Variants in PRKCA observed in about 807,000 individuals in gnomAD.
PRKCA encodes protein kinase C alpha type.
In PRKCA, 27 loss-of-function variants were observed where a neutral mutation model predicts 87.0. The observed-to-expected ratio is 0.31, with a 90% CI of 0.23 to 0.43. PRKCA has a LOEUF of 0.43. PRKCA is among the 20% of genes least tolerant of loss of function. The probability of loss-of-function intolerance (pLI) is 1.00; values close to 1 mark genes in which losing one functional copy is unlikely to be tolerated. For missense variants in PRKCA, 518 were observed against 852.3 expected (o/e 0.61, Z 4.88); for synonymous variants, 329 against 311.1 (o/e 1.06, Z -0.61).
At chr17:66,678,292 G>A (rs1209983207) in intron 5 of PRKCA, among the ~76,000 whole-genome samples, 2 of 152,202 alleles carry the variant, frequency 1.3e-5, no homozygotes, top group African/African-American at 4.8e-5. Context: ...AAGGAACATG[G>A]CCCTGCAGAG....
At chr17:66,306,282 A>T (rs1331776956) in intron 2 of PRKCA, 155 bp downstream of exon 2, 27 of 659,418 alleles carry the variant, frequency 4.1e-5, no homozygotes, top group Non-Finnish European at 3.5e-5. Context: ...TTAAAAAATA[A>T]TTGGGGCCTA....
chr17:66,597,737 C>T (rs1439198381), intron 3 of PRKCA, among the ~76,000 whole-genome samples: 1 of 39,124 alleles, frequency 2.6e-5, no homozygotes, highest in Non-Finnish European at 4.4e-5. Flanking sequence ...AATCTTTAAT[C>T]CATCTTGAAT....
chr17:66,306,643 T>A, intron 2 of PRKCA, among the ~76,000 whole-genome samples: 1 of 152,182 alleles, frequency 6.6e-6, no homozygotes, highest in East Asian at 1.9e-4. Context: ...ATTTCTATGG[T>A]ATGACTATGT....
At chr17:66,789,349 T>G (rs1975477004) in intron 16 of PRKCA, among the ~76,000 whole-genome samples, 1 of 152,212 alleles carries the variant, frequency 6.6e-6, no homozygotes, top group South Asian at 2.1e-4. Flanking sequence ...GGACTCAGGC[T>G]TCGTGTCTGT....
chr17:66,337,760 G>GT (rs1197261086), intron 2 of PRKCA, among the ~76,000 whole-genome samples: 2 of 152,110 alleles, frequency 1.3e-5, no homozygotes, highest in Non-Finnish European at 2.9e-5. Flanking sequence ...TACCTCAATG[G>GT]TTTTTTAAAG....
At chr17:66,700,540 A>G (rs1270318841) in intron 8 of PRKCA, among the ~76,000 whole-genome samples, 2 of 152,228 alleles carry the variant, frequency 1.3e-5, no homozygotes, top group African/African-American at 4.8e-5. Flanking sequence ...ATATATATAT[A>G]TAGAAGACCT....
intron 2 of PRKCA, among the ~76,000 whole-genome samples, chr17:66,342,159 C>T (rs982514129): frequency 7.2e-5 from 11 of 152,158 alleles, no homozygotes; most frequent in Non-Finnish European, 1.3e-4. Flanking sequence ...CGCGGTGGCT[C>T]ATGCCTGTAA....
chr17:66,442,066 C>T (rs9894564), intron 2 of PRKCA, among the ~76,000 whole-genome samples: 112,948 of 149,056 alleles, frequency 0.76, 42,883 homozygotes, highest in East Asian at 0.87. Context: ...GTCTCTCTCT[C>T]TTTTTTTTTT....
intron 3 of PRKCA, among the ~76,000 whole-genome samples, chr17:66,540,494 A>G (rs927016157): frequency 2.0e-5 from 3 of 152,272 alleles, no homozygotes; most frequent in Non-Finnish European, 1.5e-5. Flanking sequence ...TCTCATAAAT[A>G]GCCCAGAGCA....
rs1904575640 is a variant in PRKCA at position 66,302,800 on chromosome 17, C to T, written c.-52C>T. 2.9e-6 allele frequency: 4 copies of T among 1,359,276 alleles called. No individual in the cohort carries two copies. In the African/African-American group the frequency reaches 6.2e-5, roughly 21 times the overall value. 84.2% of individuals were successfully genotyped at this position (1,359,276 alleles called of 1,614,324 possible). On this transcript the variant is annotated 5_prime_UTR_variant, in exon 1 of 17. Coordinates refer to ENST00000413366, the MANE Select transcript of PRKCA (RefSeq NM_002737.3). ...TCCCCCGCCGCCCCCGCCCACCCGGCCCTCCGCGGCCGCAGCTCCCCGGCG... is the reference window on the plus strand; with the variant it reads ...TCCCCCGCCGCCCCCGCCCACCCGGTCCTCCGCGGCCGCAGCTCCCCGGCG...
At chr17:66,507,183 T>C (rs1917016345) in intron 3 of PRKCA, among the ~76,000 whole-genome samples, 1 of 152,246 alleles carries the variant, frequency 6.6e-6, no homozygotes, top group Non-Finnish European at 1.5e-5. Flanking sequence ...TGGGAAGTCA[T>C]GTATATGAAT....
intron 3 of PRKCA, among the ~76,000 whole-genome samples, chr17:66,580,533 C>T (rs1598788795): frequency 6.6e-6 from 1 of 152,334 alleles, no homozygotes; most frequent in East Asian, 1.9e-4. Context: ...CAGGGTTCCA[C>T]GCATTCTTAG....
chr17:66,666,669 G>T (rs1053867303), intron 5 of PRKCA, among the ~76,000 whole-genome samples: 2 of 152,134 alleles, frequency 1.3e-5, no homozygotes, highest in African/African-American at 4.8e-5. Context: ...TATATAAAGG[G>T]CTATATAAGT....
intron 3 of PRKCA, among the ~76,000 whole-genome samples, chr17:66,505,483 C>G (rs2038382832): frequency 1.3e-5 from 2 of 152,262 alleles, no homozygotes; most frequent in African/African-American, 4.8e-5. Flanking sequence ...TCAGCTGAAT[C>G]CCTAGGTTGT....
intron 2 of PRKCA, among the ~76,000 whole-genome samples, chr17:66,443,966 A>G (rs978656788): frequency 6.6e-6 from 1 of 152,096 alleles, no homozygotes; most frequent in South Asian, 2.1e-4. Flanking sequence ...GGCAGACTTG[A>G]GTTGAGACCT....
At chr17:66,553,491 A>G (rs1968404664) in intron 3 of PRKCA, among the ~76,000 whole-genome samples, 1 of 152,158 alleles carries the variant, frequency 6.6e-6, no homozygotes, top group Non-Finnish European at 1.5e-5. Flanking sequence ...AAAGAGCTTA[A>G]CTCTTATCCT....
chr17:66,621,076 G>T (rs1019740601), intron 3 of PRKCA, among the ~76,000 whole-genome samples: 3 of 152,116 alleles, frequency 2.0e-5, no homozygotes, highest in Non-Finnish European at 4.4e-5. Flanking sequence ...TCCCTAAAGA[G>T]GAACTCAAAG....
rs545112354 is a variant in PRKCA, at chr17:66,491,529, A to G, written c.206-4672A>G. On this transcript the variant is annotated intron_variant, in intron 2 of 16. Coordinates refer to ENST00000413366, the MANE Select transcript of PRKCA (RefSeq NM_002737.3). ...GGCAGATGTTTGTTGAAGGTTTGCT[A>G]TGTAACAGGTACCACCTTATTACCT... is the stretch of plus-strand genomic sequence containing the variant. 4.7e-4 allele frequency among the ~76,000 whole-genome samples: 72 copies of G among 152,346 alleles called. 1 individual carries two copies. Among genetic ancestry groups the G allele is most frequent in the African/African-American group, 1.7e-3 (69 of 41,580 alleles).
At chr17:66,736,397 C>A (rs866344830) in intron 10 of PRKCA, among the ~76,000 whole-genome samples, 1 of 151,982 alleles carries the variant, frequency 6.6e-6, no homozygotes, top group Non-Finnish European at 1.5e-5. Context: ...CCTGCCTCAG[C>A]CTCTCGAGTA....
Sources: gnomAD v4.1 joint callset for allele counts (sites outside exome capture counted in the v4.1 genomes callset) on GRCh38, gnomAD v4.1.1 for gene constraint, MANE v1.5 for transcripts, NCBI Gene and HGNC (gene_info 2026-07-23, HGNC 2026-07-21) for gene names.